SUFU: variants seen among roughly 807,000 people sequenced by gnomAD.
The protein encoded by SUFU is SUFU negative regulator of hedgehog signaling.
SUFU carries 7 observed loss-of-function variants against 58.9 expected under a neutral mutation model. That is an observed-to-expected ratio of 0.12 (90% CI 0.07 to 0.22). The LOEUF (loss-of-function observed/expected upper bound fraction) is 0.22, where lower values mean the gene tolerates loss of function less well. Ranked by LOEUF, SUFU falls within the 10% of genes least tolerant of loss-of-function variation. The pLI is 1.00. For synonymous variants in SUFU, 232 were observed against 254.8 expected (o/e 0.91, Z 0.85); for missense variants, 451 against 641.3 (o/e 0.70, Z 3.20).
chr10:102,508,000 CTG>C (rs1021073413), intron 1 of SUFU, among the ~76,000 whole-genome samples: 22 of 137,276 alleles, frequency 1.6e-4, no homozygotes, highest in African/African-American at 6.2e-4. Context: ...AAGTCTCACT[CTG>C]TCACCCAGGC....
chr10:102,625,973 C>A lies in SUFU; in HGVS notation c.1297-1202C>A, dbSNP rs1156886151. On this transcript the variant is annotated intron_variant, in intron 10 of 11. Transcript: ENST00000369902. The surrounding 1 kb of genome is among the most constrained non-coding windows in gnomAD (Gnocchi z 4.7). ...TTCAAGTTCTCAATTCTCCTCCTCACAGGGAGGGTTTCCCCTCAGAGGAGC... is the reference window on the plus strand; with the variant it reads ...TTCAAGTTCTCAATTCTCCTCCTCAAAGGGAGGGTTTCCCCTCAGAGGAGC... Among the ~76,000 whole-genome samples the A allele has an allele frequency of 6.6e-6, 1 of 152,218 alleles. No homozygotes were observed. The highest frequency in any genetic ancestry group is 2.4e-5 in the African/African-American group (1 of 41,442).
intron 2 of SUFU, among the ~76,000 whole-genome samples, chr10:102,546,778 G>A (rs894732914): frequency 7.3e-4 from 111 of 152,342 alleles, no homozygotes; most frequent in Non-Finnish European, 1.0e-4. Context: ...TAGAGGTTGC[G>A]TCCAGCCAGC....
At chr10:102,568,962 A>ATATATATATATATATC (rs1409831622) in intron 3 of SUFU, among the ~76,000 whole-genome samples, 1 of 80,926 alleles carries the variant, frequency 1.2e-5, no homozygotes, top group Non-Finnish European at 2.3e-5. Context: ...ATATATATAT[A>ATATATATATATATATC]TCTATAGCAG....
At chr10:102,510,318 T>G (rs2062385411) in intron 2 of SUFU, among the ~76,000 whole-genome samples, 1 of 151,808 alleles carries the variant, frequency 6.6e-6, no homozygotes, top group Non-Finnish European at 1.5e-5. Flanking sequence ...CACGCCATTC[T>G]CCTGTCTCAG....
intron 11 of SUFU, 42 bp from the exon 12 acceptor site, chr10:102,630,024 C>G (rs1194289720): frequency 1.1e-5 from 18 of 1,573,484 alleles, no homozygotes; most frequent in Non-Finnish European, 1.6e-5. Context: ...GTGTATTCTG[C>G]TAACCACTCA....
chr10:102,576,182 A>G (rs1431966191), intron 3 of SUFU, among the ~76,000 whole-genome samples: 2 of 152,064 alleles, frequency 1.3e-5, no homozygotes, highest in Non-Finnish European at 2.9e-5. Context: ...AGATAAAGTC[A>G]AAGTTCTCTG....
intron 7 of SUFU, among the ~76,000 whole-genome samples, chr10:102,599,213 A>G (rs2063492416): frequency 6.6e-6 from 1 of 152,310 alleles, no homozygotes; most frequent in African/African-American, 2.4e-5. Flanking sequence ...CCTGGCTTCT[A>G]CAAGAATGGT....
At chr10:102,599,574 C>G (rs1377394400) in intron 8 of SUFU, 30 bp downstream of exon 8, 6 of 1,591,246 alleles carry the variant, frequency 3.8e-6, no homozygotes, top group Non-Finnish European at 5.2e-6. Context: ...TGGGCTGGAA[C>G]AAGAGGACGA....
At chr10:102,563,174 T>C (rs2063055813) in intron 3 of SUFU, among the ~76,000 whole-genome samples, 1 of 152,128 alleles carries the variant, frequency 6.6e-6, no homozygotes, top group African/African-American at 2.4e-5. Context: ...AAAAGGAGCT[T>C]TTTCATCAGT....
At chr10:102,600,796 TGA>T (rs1162172055) in intron 8 of SUFU, among the ~76,000 whole-genome samples, 1 of 152,218 alleles carries the variant, frequency 6.6e-6, no homozygotes, top group Non-Finnish European at 1.5e-5. Flanking sequence ...AGGGCTGTAC[TGA>T]GAGTTGAGCT....
Position 102,584,743 on chromosome 10 carries a change from A to G in SUFU, c.455-7839A>G, listed in dbSNP as rs554848742. 2.6e-5 allele frequency among the ~76,000 whole-genome samples: 4 copies of G among 152,332 alleles called. No homozygotes were observed. The East Asian group carries it at 7.7e-4, about 29-fold the overall frequency. ...CAGAGTAAGTTTGTTTAGGTTAAAA[A>G]AAAAAGGCAAGTCAATTTTAGGGGG... On this transcript the variant is annotated intron_variant, in intron 3 of 11. Coordinates refer to ENST00000369902, the MANE Select transcript of SUFU (RefSeq NM_016169.4).
intron 8 of SUFU, among the ~76,000 whole-genome samples, chr10:102,612,621 C>T (rs1307335773): frequency 6.6e-6 from 1 of 152,156 alleles, no homozygotes; most frequent in East Asian, 1.9e-4. Context: ...GCATTTTTGC[C>T]TGCACCATAG....
intron 3 of SUFU, among the ~76,000 whole-genome samples, chr10:102,590,211 G>A (rs2063383713): frequency 8.0e-6 from 1 of 124,518 alleles, no homozygotes; most frequent in South Asian, 2.8e-4. Context: ...TGTCACCCAG[G>A]CTAGAGTGCA....
In SUFU at chr10:102,629,442, C is replaced by T. The variant is rs1186361652; in HGVS notation, c.1366-624C>T. 1.3e-5 allele frequency among the ~76,000 whole-genome samples: 2 copies of T among 152,168 alleles called. No homozygotes were observed. ...AGGCTGGTAACCCTGGGAAGTGGTG[C>T]GAATGAATACAGGGAGCAGGGTGGG... is the stretch of plus-strand genomic sequence containing the variant. On this transcript the variant is annotated intron_variant, in intron 11 of 11. Transcript: ENST00000369902. The surrounding 1 kb of genome is among the most constrained non-coding windows in gnomAD (Gnocchi z 4.7).
chr10:102,558,725 G>T (rs534363227), intron 3 of SUFU, among the ~76,000 whole-genome samples: 1 of 152,242 alleles, frequency 6.6e-6, no homozygotes, highest in Non-Finnish European at 1.5e-5. Flanking sequence ...AGAATAGCAC[G>T]GCTTTGCATA....
At position 102,625,428 on chromosome 10, in the gene SUFU, G is replaced by T. The variant is rs1259280339; in HGVS notation, c.1297-1747G>T. Among the ~76,000 whole-genome samples the T allele has an allele frequency of 1.3e-5, 2 of 152,190 alleles. No individual in the cohort carries two copies. The highest frequency in any genetic ancestry group is 1.9e-4 in the East Asian group (1 of 5,196). On this transcript the variant is annotated intron_variant, in intron 10 of 11. Coordinates refer to ENST00000369902, the MANE Select transcript of SUFU (RefSeq NM_016169.4). The surrounding 1 kb of genome is among the most constrained non-coding windows in gnomAD (Gnocchi z 4.7). ...ATTTTGTTCCTGCTATGGGCTTGGA[G>T]CCTGGGAAGGCTGGGTCTCTTGTCT...
At chr10:102,507,129 G>T (rs1052787462) in intron 1 of SUFU, among the ~76,000 whole-genome samples, 4 of 152,170 alleles carry the variant, frequency 2.6e-5, no homozygotes, top group Admixed American at 6.5e-5. Context: ...TCTGTGCTTG[G>T]GGACAGGGTT....
chr10:102,626,456 C>T (rs2063787030), intron 10 of SUFU, among the ~76,000 whole-genome samples: 1 of 152,186 alleles, frequency 6.6e-6, no homozygotes, highest in South Asian at 2.1e-4. Context: ...CAGACTAGAA[C>T]AGCAACGTGG....
chr10:102,538,250 T>C (rs1590005204), intron 2 of SUFU, among the ~76,000 whole-genome samples: 1 of 152,332 alleles, frequency 6.6e-6, no homozygotes, highest in East Asian at 1.9e-4. Flanking sequence ...TACCACATAA[T>C]GTGCCAGAAC....
Sources: allele counts gnomAD v4.1 joint callset (sites outside exome capture counted in the v4.1 genomes callset), GRCh38; gene constraint gnomAD v4.1.1; non-coding constraint Gnocchi (gnomAD v3.1); transcripts MANE v1.5; gene names NCBI Gene and HGNC (gene_info 2026-07-23, HGNC 2026-07-21).